GANAB: variants seen among roughly 807,000 people sequenced by gnomAD.
GANAB encodes the protein neutral alpha-glucosidase AB.
GANAB carries 35 observed loss-of-function variants against 129.9 expected under a neutral mutation model. That is an observed-to-expected ratio of 0.27 (90% CI 0.21 to 0.36). GANAB has a LOEUF of 0.36. Ranked by LOEUF, GANAB falls within the 10% of genes least tolerant of loss-of-function variation. The probability of loss-of-function intolerance (pLI) is 1.00; values close to 1 mark genes in which losing one functional copy is unlikely to be tolerated. For missense variants in GANAB, 939 were observed against 1,221.0 expected, an observed-to-expected ratio of 0.77 and a Z score of 3.44; for synonymous variants, 482 against 451.8, an observed-to-expected ratio of 1.07 and a Z score of -0.85.
intron 5 of GANAB, chr11:62,634,360 A>T (rs534526376): frequency 1.9e-6 from 3 of 1,611,292 alleles, no homozygotes; most frequent in African/African-American, 2.7e-5. Context: ...GCGTGAGATT[A>T]ACCTTATCCG....
At chr11:62,634,675 G>T (rs1482563852) in intron 5 of GANAB, 146 bp downstream of exon 5, 12 of 705,950 alleles carry the variant, frequency 1.7e-5, no homozygotes, top group Non-Finnish European at 2.6e-5. Context: ...CCCGGGTCTG[G>T]TTCCTACCCT....
At position 62,634,944 on chromosome 11, in the gene GANAB, G is replaced by A; in HGVS notation, c.437C>T (p.Pro146Leu). 1.2e-6 allele frequency: 2 copies of A among 1,613,614 alleles called. No homozygotes were observed. Among genetic ancestry groups the A allele is most frequent in the Non-Finnish European group, 1.7e-6 (2 of 1,179,544 alleles). Residue 146 changes from proline to leucine, a missense_variant, in exon 5 of 24, where the codon CCC becomes CTC. Coordinates refer to ENST00000356638, the MANE Select transcript of GANAB (RefSeq NM_198334.3). ...NSVELTMAEGPYKIILTARPF... is the reference protein window; with the variant it reads ...NSVELTMAEGLYKIILTARPF... The stretch of plus-strand genomic sequence containing the variant: ...CCGTGCTGTCAAGATGATCTTGTAG[G>A]GTCCCTCAGCCATGGTTAACTCCAC...
At chr11:62,626,823 G>A in intron 20 of GANAB, 37 bp downstream of exon 20, 1 of 1,505,230 alleles carries the variant, frequency 6.6e-7, no homozygotes, top group Non-Finnish European at 9.2e-7. Flanking sequence ...GAAATTTACA[G>A]GGAGATGGAA....
At chr11:62,637,835 C>A (rs1474617143) in intron 4 of GANAB, among the ~76,000 whole-genome samples, 5 of 151,484 alleles carry the variant, frequency 3.3e-5, no homozygotes, top group Admixed American at 2.0e-4. Context: ...GAGATTGAGA[C>A]CATCCTGGCT....
intron 18 of GANAB, 54 bp downstream of exon 18, chr11:62,627,235 C>A: frequency 1.4e-6 from 2 of 1,391,036 alleles, no homozygotes; most frequent in Non-Finnish European, 2.0e-6. Flanking sequence ...CCTGGGCATC[C>A]GCAGTGCTGC....
chr11:62,646,601 T>G lies in GANAB; in HGVS notation c.-2A>C, dbSNP rs1044417735. 1 of 1,613,910 alleles carries G rather than the reference T, an allele frequency of 6.2e-7. No homozygotes were observed. The highest frequency in any genetic ancestry group is 1.3e-5 in the African/African-American group (1 of 74,946). ...CGCCACTGCCGCTACCGCCGCCATCTTGTGCAGAGTTTGCTCCTTGACCCC... is the reference window on the plus strand; with the variant it reads ...CGCCACTGCCGCTACCGCCGCCATCGTGTGCAGAGTTTGCTCCTTGACCCC... On this transcript the variant is annotated 5_prime_UTR_variant, in exon 1 of 24. Coordinates refer to ENST00000356638, the MANE Select transcript of GANAB (RefSeq NM_198334.3).
chr11:62,645,469 G>A (rs12270624), intron 1 of GANAB, among the ~76,000 whole-genome samples: 264 of 151,804 alleles, frequency 1.7e-3, no homozygotes, highest in African/African-American at 6.2e-3. Context: ...CCAGGAGGCG[G>A]AGCTTGCAGT....
chr11:62,631,116 C>T lies in GANAB; in HGVS notation c.1064G>A (p.Trp355Ter). The change falls in exon 10 of 24, where the codon TGG becomes TAG. Residue 355 changes from tryptophan to a stop codon, truncating the protein, a stop_gained. Coordinates refer to ENST00000356638, the MANE Select transcript of GANAB (RefSeq NM_198334.3). LOFTEE classifies it high-confidence loss of function. ...SGETPQTDVRWMSETGIIDVF... is the reference protein window; with the variant it reads ...SGETPQTDVR ...GTCAATGATGCCAGTCTCTGACATC[C>T]AGCGAACATCTGTCTGTGGGGTCTC... 6.2e-7 allele frequency: 1 copy of T among 1,611,788 alleles called. No homozygotes were observed.
Position 62,627,132 on chromosome 11 carries a change from A to G in GANAB, c.2246-8T>C. On this transcript the variant is annotated splice_polypyrimidine_tract_variant and splice_region_variant and intron_variant, in intron 18 of 23. Transcript: ENST00000356638. ...GAACCAGCAACGCATCCCCTAAAAT[A>G]TGCCAGAATCAACTCTGAATAGGGG... 3.1e-6 allele frequency: 5 copies of G among 1,610,828 alleles called. No homozygotes were observed. Among genetic ancestry groups the G allele is most frequent in the Non-Finnish European group, 4.2e-6 (5 of 1,177,060 alleles).
chr11:62,646,476 G>T, intron 1 of GANAB, 86 bp downstream of exon 1: 1 of 1,477,516 alleles, frequency 6.8e-7, no homozygotes. Flanking sequence ...GTGGCAGAGT[G>T]TCAAGAGACA....
chr11:62,628,456 G>A (rs1013886519), intron 17 of GANAB, among the ~76,000 whole-genome samples: 1 of 151,828 alleles, frequency 6.6e-6, no homozygotes, highest in Non-Finnish European at 1.5e-5. Context: ...CAGGTGATCT[G>A]CCCACCTCGG....
Position 62,634,923 on chromosome 11 carries a change from G to A in GANAB, c.458C>T (p.Ala153Val), listed in dbSNP as rs1266223162. The A allele has an allele frequency of 6.2e-7, 1 of 1,613,220 alleles. No individual in the cohort carries two copies. Among genetic ancestry groups the A allele is most frequent in the Non-Finnish European group, 8.5e-7 (1 of 1,179,252 alleles). The part of the protein sequence containing the change: ...AEGPYKIILT[A>V]RPFRLDLLED... ...TAGTAGGTCAAGGCGGAATGGCCGT[G>A]CTGTCAAGATGATCTTGTAGGGTCC... is the stretch of plus-strand genomic sequence containing the variant. The change falls in exon 5 of 24, where the codon GCA becomes GTA. Residue 153 changes from alanine to valine, a missense_variant. This residue lies in a region of GANAB where 321 missense variants were observed against 329.1 expected (regional missense o/e 0.98). Transcript: ENST00000356638.
intron 1 of GANAB, among the ~76,000 whole-genome samples, chr11:62,645,636 G>A (rs748578400): frequency 2.6e-5 from 4 of 152,122 alleles, no homozygotes; most frequent in Admixed American, 6.6e-5. Flanking sequence ...ATGGAGATAG[G>A]ATTCCTAAAG....
At chr11:62,637,745 G>A (rs1944007239) in intron 4 of GANAB, among the ~76,000 whole-genome samples, 2 of 151,568 alleles carry the variant, frequency 1.3e-5, no homozygotes. Context: ...TGTGAAAAAC[G>A]GAAACCCAGC....
intron 1 of GANAB, among the ~76,000 whole-genome samples, chr11:62,641,137 A>G (rs1035961161): frequency 6.6e-6 from 1 of 151,958 alleles, no homozygotes; most frequent in African/African-American, 2.4e-5. Flanking sequence ...TGAGGTCAGG[A>G]GTTCAAGACC....
At chr11:62,632,906 C>A in intron 8 of GANAB, 99 bp downstream of exon 8, 1 of 976,858 alleles carries the variant, frequency 1.0e-6, no homozygotes, top group Non-Finnish European at 1.6e-6. Context: ...AAGAAATGAC[C>A]CATGCTTGCC....
chr11:62,626,953 G>A lies in GANAB; in HGVS notation c.2323-19C>T, dbSNP rs201217245. On this transcript the variant is annotated intron_variant, in intron 19 of 23. Coordinates refer to ENST00000356638, the MANE Select transcript of GANAB (RefSeq NM_198334.3). The stretch of plus-strand genomic sequence containing the variant: ...ACCACACCTGTGAGTGACAAAAGAG[G>A]TAAGATACCGGATCACTCAGTGCAC... 1.3e-6 allele frequency: 2 copies of A among 1,599,696 alleles called. No individual in the cohort carries two copies. Among genetic ancestry groups the A allele is most frequent in the Admixed American group, 1.7e-5 (1 of 59,994 alleles).
chr11:62,632,996 A>T lies in GANAB; in HGVS notation c.815+9T>A. 6.6e-7 allele frequency: 1 copy of T among 1,507,248 alleles called. No homozygotes were observed. The highest frequency in any genetic ancestry group is 9.2e-7 in the Non-Finnish European group (1 of 1,082,834). 93.4% of individuals were successfully genotyped at this position (1,507,248 alleles called of 1,614,324 possible). A position where few individuals can be genotyped will look rare whatever the true frequency, so the allele number is the denominator to read the frequency against. On this transcript the variant is annotated intron_variant, in intron 8 of 23. Coordinates refer to ENST00000356638, the MANE Select transcript of GANAB (RefSeq NM_198334.3). Reference sequence around the variant, plus strand: ...ACCTCCATCTTCCTGATGTCACCATAGGACTCACTCAGTGACCTTCAGCCT... The same window carrying T: ...ACCTCCATCTTCCTGATGTCACCATTGGACTCACTCAGTGACCTTCAGCCT...
Position 62,631,047 on chromosome 11 carries a change from T to C in GANAB, c.1133A>G (p.Gln378Arg). 3.7e-6 allele frequency: 6 copies of C among 1,603,564 alleles called. No individual in the cohort carries two copies. Among genetic ancestry groups the C allele is most frequent in the Non-Finnish European group, 5.1e-6 (6 of 1,171,140 alleles). Residue 378 changes from glutamine to arginine, a missense_variant, in exon 10 of 24, where the codon CAA (glutamine) becomes CGA (arginine). By Grantham distance (43) the Gln-to-Arg change is conservative. Coordinates refer to ENST00000356638, the MANE Select transcript of GANAB (RefSeq NM_198334.3). The part of the protein sequence containing the change: ...LGPSISDVFR[Q>R]YASLTGTQAL... ...CCATGTACCTGTGAGACTAGCATAT[T>C]GCCGGAAAACATCAGAGATGGAGGG... is the stretch of plus-strand genomic sequence containing the variant.
Sources: allele counts gnomAD v4.1 joint callset (sites outside exome capture counted in the v4.1 genomes callset), GRCh38; gene constraint gnomAD v4.1.1; regional missense constraint gnomAD v4.1.1; transcripts MANE v1.5; gene names NCBI Gene and HGNC (gene_info 2026-07-23, HGNC 2026-07-21).